TRMO: variants seen among roughly 807,000 people sequenced by gnomAD.
TRMO encodes the protein tRNA methyltransferase O, also known as tRNA (adenine(37)-N6)-methyltransferase.
A neutral mutation model predicts 37.2 loss-of-function variants in TRMO; 30 were observed. The ratio of observed to expected loss-of-function variants is 0.81; its 90% CI spans 0.60 to 1.09. TRMO has a LOEUF of 1.09. Ranked by LOEUF, TRMO falls within the 50% of genes least tolerant of loss-of-function variation. The probability of loss-of-function intolerance (pLI) is 0.00; values close to 1 mark genes in which losing one functional copy is unlikely to be tolerated. For synonymous variants in TRMO, 239 were observed against 199.4 expected, an observed-to-expected ratio of 1.20 and a Z score of -1.67; for missense variants, 552 against 549.5, an observed-to-expected ratio of 1.00 and a Z score of -0.05.
At chr9:97,901,238 GC>G (rs1476124197), downstream of TRMO, among the ~76,000 whole-genome samples, 1 of 100,336 alleles carries the variant, frequency 1.0e-5, no homozygotes, top group Non-Finnish European at 1.9e-5. Flanking sequence ...TGCCATTTAC[GC>G]CTAGTAGAGA....
At chr9:97,908,226 C>A (rs1825944704) in intron 4 of TRMO, among the ~76,000 whole-genome samples, 1 of 152,114 alleles carries the variant, frequency 6.6e-6, no homozygotes, top group Non-Finnish European at 1.5e-5. Context: ...TCCTGCCTAA[C>A]ACGGTGAAAC....
chr9:97,918,784 T>A (rs1176879353), intron 1 of TRMO, among the ~76,000 whole-genome samples: 2 of 152,178 alleles, frequency 1.3e-5, no homozygotes, highest in Non-Finnish European at 1.5e-5. Flanking sequence ...TCCCAAAAAC[T>A]AGAGCGTTAC....
intron 2 of TRMO, among the ~76,000 whole-genome samples, chr9:97,913,823 C>G (rs1826237871): frequency 6.6e-6 from 1 of 152,126 alleles, no homozygotes; most frequent in African/African-American, 2.4e-5. Flanking sequence ...TATCAAGTGC[C>G]CAACAAACAA....
intron 1 of TRMO, among the ~76,000 whole-genome samples, chr9:97,919,414 G>A (rs534085123): frequency 1.3e-5 from 2 of 149,522 alleles, no homozygotes; most frequent in African/African-American, 2.4e-5. Flanking sequence ...AAAAAGGAAA[G>A]AAAAGAAAGG....
At chr9:97,903,721 C>T (rs982591265), downstream of TRMO, among the ~76,000 whole-genome samples, 6 of 152,210 alleles carry the variant, frequency 3.9e-5, no homozygotes, top group Non-Finnish European at 4.4e-5. Flanking sequence ...ACAAGAACTA[C>T]ATCTTGTCAT....
chr9:97,909,946 G>C lies in TRMO; in HGVS notation c.1066+14C>G. The C allele has an allele frequency of 6.7e-7, 1 of 1,500,244 alleles. No individual in the cohort carries two copies. The highest frequency in any genetic ancestry group is 8.9e-7 in the Non-Finnish European group (1 of 1,118,770). The allele number at this position is 1,500,244 out of a possible 1,614,324, so 92.9% of individuals were successfully genotyped here. ...AAGTTCATCTCTCATTCAGAATGAA[G>C]AAACTGAAGATACCTTGTGAACTGA... On this transcript the variant is annotated intron_variant, in intron 4 of 4. Transcript: ENST00000375119.
chr9:97,914,711 G>A (rs1249918085), intron 2 of TRMO, among the ~76,000 whole-genome samples: 1 of 152,122 alleles, frequency 6.6e-6, no homozygotes, highest in Non-Finnish European at 1.5e-5. Context: ...CTACTGTCGT[G>A]AAAGTTCTCC....
At chr9:97,916,705 CTT>C (rs555924368) in intron 1 of TRMO, among the ~76,000 whole-genome samples, 9 of 124,578 alleles carry the variant, frequency 7.2e-5, no homozygotes, top group Admixed American at 8.8e-5. Context: ...GTATTTCTTT[CTT>C]TTTTTTTTTT....
intron 2 of TRMO, 45 bp downstream of exon 2, chr9:97,916,119 C>G: frequency 6.8e-7 from 1 of 1,465,244 alleles, no homozygotes. Flanking sequence ...TATTCGGGGG[C>G]AAGTTCTGGC....
rs1826038863 is a variant in TRMO at position 97,910,061 on chromosome 9, CG to C, written c.964del (p.Arg322AlafsTer8). On this transcript the variant is annotated frameshift_variant, in exon 4 of 5. Transcript: ENST00000375119. LOFTEE classifies it high-confidence loss of function. ...TGTCACCCAGGCAGGAACCACGCTG[CG>C]GGGAGCTCCATCAGCCCTTCCAGCA... ...CPAGRADGAP[R>X]SVVPAWVTEA... 6.2e-7 allele frequency: 1 copy of C among 1,613,132 alleles called. No homozygotes were observed. The highest frequency in any genetic ancestry group is 1.7e-5 in the Admixed American group (1 of 59,970).
chr9:97,920,417 C>A lies in TRMO; in HGVS notation c.76+2001G>T, dbSNP rs113815671. Reference sequence around the variant, plus strand: ...AAAGGATAAAAACAACACAGGGCCACTACACTAGCTGTGTGACCATGGGAA... The same window carrying A: ...AAAGGATAAAAACAACACAGGGCCAATACACTAGCTGTGTGACCATGGGAA... On this transcript the variant is annotated intron_variant, in intron 1 of 4. Coordinates refer to ENST00000375119, the MANE Select transcript of TRMO (RefSeq NM_016481.5). 5.8e-4 allele frequency among the ~76,000 whole-genome samples: 88 copies of A among 152,316 alleles called. 1 individual carries two copies. Among genetic ancestry groups the A allele is most frequent in the African/African-American group, 2.0e-3 (83 of 41,572 alleles).
Position 97,909,952 on chromosome 9 carries a change from G to C in TRMO, c.1066+8C>G. 1 of 1,510,012 alleles carries C rather than the reference G, an allele frequency of 6.6e-7. No individual in the cohort carries two copies. The highest frequency in any genetic ancestry group is 8.9e-7 in the Non-Finnish European group (1 of 1,126,508). 93.5% of individuals were successfully genotyped at this position (1,510,012 alleles called of 1,614,324 possible). Reference sequence around the variant, plus strand: ...ATCTCTCATTCAGAATGAAGAAACTGAAGATACCTTGTGAACTGAGCTGCC... The same window carrying C: ...ATCTCTCATTCAGAATGAAGAAACTCAAGATACCTTGTGAACTGAGCTGCC... On this transcript the variant is annotated splice_region_variant and intron_variant, in intron 4 of 4. Coordinates refer to ENST00000375119, the MANE Select transcript of TRMO (RefSeq NM_016481.5).
rs751819442 is a variant in TRMO at position 97,913,564 on chromosome 9, G to GAAAAC, written c.252-11_252-7dup. 1 of 1,586,654 alleles carries GAAAAC rather than the reference G, an allele frequency of 6.3e-7. No homozygotes were observed. Among genetic ancestry groups the GAAAAC allele is most frequent in the East Asian group, 2.2e-5 (1 of 44,590 alleles). On this transcript the variant is annotated splice_region_variant and splice_polypyrimidine_tract_variant and intron_variant, in intron 2 of 4. Transcript: ENST00000375119. ...TGTGAAAAACAAACAAAATCCTATA[G>GAAAAC]AAAACAAAACAAAACAAACCACGGA...
intron 1 of TRMO, among the ~76,000 whole-genome samples, chr9:97,918,737 G>A (rs755308602): frequency 3.9e-5 from 6 of 151,980 alleles, no homozygotes; most frequent in Non-Finnish European, 7.4e-5. Flanking sequence ...TAAGTTATAC[G>A]GCATAATATG....
At chr9:97,910,648 A>C in intron 3 of TRMO, 32 bp from the exon 4 acceptor site, 1 of 1,604,556 alleles carries the variant, frequency 6.2e-7, no homozygotes, top group Non-Finnish European at 8.5e-7. Flanking sequence ...AATGAAGAAC[A>C]GTGCAAACAC....
rs200779838 is a variant in TRMO at position 97,910,580 on chromosome 9, T to G, written c.446A>C (p.His149Pro). 11 of 1,614,112 alleles carry G rather than the reference T, an allele frequency of 6.8e-6. No homozygotes were observed. In the Admixed American group the frequency reaches 1.8e-4, roughly 27 times the overall value. Residue 149 changes from histidine to proline, a missense_variant, in exon 4 of 5, where the codon CAT becomes CCT. His to Pro is a moderately conservative substitution (Grantham distance 77). Transcript: ENST00000375119. ...CTTGATGTCTAGTACGGGTGTGCCA[T>G]GTATCATGTCAATTCCAGAAAGGTA... ...AIYLSGIDMI[H>P]GTPVLDIKPY...
chr9:97,907,860 G>A (rs1032760632), intron 4 of TRMO, among the ~76,000 whole-genome samples: 3 of 152,110 alleles, frequency 2.0e-5, no homozygotes, highest in East Asian at 1.9e-4. Context: ...TCCACTTTGC[G>A]GCTGTGCACT....
At chr9:97,922,174 A>C (rs2131545521) in intron 1 of TRMO, among the ~76,000 whole-genome samples, 1 of 152,302 alleles carries the variant, frequency 6.6e-6, no homozygotes, top group Admixed American at 6.5e-5. Flanking sequence ...TGCTCCAGCT[A>C]CTGAGCCAAG....
intron 4 of TRMO, among the ~76,000 whole-genome samples, chr9:97,908,895 G>A (rs1176482252): frequency 6.6e-6 from 1 of 152,172 alleles, no homozygotes; most frequent in East Asian, 1.9e-4. Context: ...ATATGGTTAT[G>A]CTGGCTCCTT....
Sources: allele counts gnomAD v4.1 joint callset (sites outside exome capture counted in the v4.1 genomes callset), GRCh38; gene constraint gnomAD v4.1.1; transcripts MANE v1.5; gene names NCBI Gene and HGNC (gene_info 2026-07-23, HGNC 2026-07-21).